The following REST variants were observed in gnomAD, a reference collection of about 807,000 sequenced individuals.
REST encodes the protein RE1-silencing transcription factor.
In REST, 1 loss-of-function variant was observed where a neutral mutation model predicts 30.4. The ratio of observed to expected loss-of-function variants is 0.03; its 90% CI spans 0.01 to 0.16. The LOEUF (loss-of-function observed/expected upper bound fraction) is 0.16. Ranked by LOEUF, REST falls within the 10% of genes least tolerant of loss-of-function variation. The probability of loss-of-function intolerance (pLI) is 1.00; values close to 1 mark genes in which losing one functional copy is unlikely to be tolerated. For synonymous variants in REST, 504 were observed against 451.1 expected (o/e 1.12, Z -1.49); for missense variants, 1,259 against 1,329.5 (o/e 0.95, Z 0.82).
In REST at chr4:56,935,262, G is replaced by A. The variant is rs1721108465; in HGVS notation, c.*3110G>A. ...GTCACTTCTGGATTGATAAGCTGAG[G>A]AAGAAAGTTAAGTTTCTTTTTTACA... On this transcript the variant is annotated 3_prime_UTR_variant, in exon 4 of 4. Transcript: ENST00000309042. The A allele has an allele frequency of 6.6e-6, 1 of 152,134 alleles. No homozygotes were observed. The highest frequency in any genetic ancestry group is 2.1e-4 in the South Asian group (1 of 4,826). The allele number at this position is 152,134 out of a possible 1,614,324, so 9.4% of individuals were successfully genotyped here.
chr4:56,910,931 A>G lies in REST; in HGVS notation c.293A>G (p.Asp98Gly), dbSNP rs1323149927. 1.2e-6 allele frequency: 2 copies of G among 1,614,204 alleles called. No individual in the cohort carries two copies. The highest frequency in any genetic ancestry group is 1.7e-6 in the Non-Finnish European group (2 of 1,180,042). Residue 98 changes from aspartate to glycine, a missense_variant, in exon 2 of 4, where the codon GAT becomes GGT. Transcript: ENST00000309042. ...GGAGAAGGACTTGAAGAGTCTGCTG[A>G]TATAAAAGGTGAACCTCATGGACTG... is the stretch of plus-strand genomic sequence containing the variant. ...EEGEGLEESA[D>G]IKGEPHGLEN...
Position 56,931,075 on chromosome 4 carries a change from G to C in REST, c.2217G>C (p.Val739=). Residue 739 remains valine (V), a synonymous_variant, in exon 4 of 4, where the codon GTG becomes GTC. Coordinates refer to ENST00000309042, the MANE Select transcript of REST (RefSeq NM_005612.5). ...VQMELSPPME[V]VQKEPVQIEL... is the part of the protein sequence containing the mutation. ...TGGAGCTGTCTCCTCCCATGGAGGT[G>C]GTCCAGAAGGAGCCTGTTCAGATAG... 7.2e-7 allele frequency: 1 copy of C among 1,385,040 alleles called. No homozygotes were observed. 85.8% of individuals were successfully genotyped at this position (1,385,040 alleles called of 1,614,324 possible).
intron 3 of REST, chr4:56,927,677 G>T: frequency 8.2e-7 from 1 of 1,214,930 alleles, no homozygotes; most frequent in Non-Finnish European, 1.1e-6. Context: ...ATGTATTCAG[G>T]TAGAATGTAT....
At position 56,931,839 on chromosome 4, in the gene REST, C is replaced by T; in HGVS notation, c.2981C>T (p.Pro994Leu). ...AVSKTALASPPATMAANESQE... is the reference protein window; with the variant it reads ...AVSKTALASPLATMAANESQE... Reference sequence around the variant, plus strand: ...TCCAAAACTGCACTGGCATCACCTCCTGCTACAATGGCAGCAAATGAGTCT... The same window carrying T: ...TCCAAAACTGCACTGGCATCACCTCTTGCTACAATGGCAGCAAATGAGTCT... The change falls in exon 4 of 4, where the codon CCT becomes CTT. Residue 994 changes from proline (P) to leucine (L), a missense_variant. By Grantham distance (98) the Pro-to-Leu change is moderately conservative. Transcript: ENST00000309042. 12 of 1,614,222 alleles carry T rather than the reference C, an allele frequency of 7.4e-6. No individual in the cohort carries two copies. The highest frequency in any genetic ancestry group is 1.7e-5 in the Admixed American group (1 of 60,026).
chr4:56,910,543 G>A, intron 1 of REST, 87 bp from the exon 2 acceptor site: 1 of 1,173,588 alleles, frequency 8.5e-7, no homozygotes, highest in Non-Finnish European at 1.2e-6. Flanking sequence ...AAATTTTTAA[G>A]TTATGAAGAA....
intron 3 of REST, 167 bp downstream of exon 3, chr4:56,920,037 A>G (rs1195108137): frequency 2.5e-6 from 1 of 404,380 alleles, no homozygotes; most frequent in African/African-American, 2.0e-5. Context: ...CCTAACATGG[A>G]ATCCAAAGGT....
chr4:56,915,174 C>T (rs1455754936), intron 2 of REST, among the ~76,000 whole-genome samples: 2 of 149,502 alleles, frequency 1.3e-5, no homozygotes, highest in African/African-American at 2.5e-5. Flanking sequence ...CCACCCGCCG[C>T]GGCCTCCCAA....
At chr4:56,927,616 G>A (rs1316761588) in intron 3 of REST, 1 of 1,170,530 alleles carries the variant, frequency 8.5e-7, no homozygotes, top group Non-Finnish European at 1.1e-6. Context: ...TTGGACCAGT[G>A]GGGTATGGAT....
chr4:56,908,150 G>C lies in REST; in HGVS notation c.-73G>C, dbSNP rs1719704818. 9.2e-6 allele frequency: 2 copies of C among 218,404 alleles called. No homozygotes were observed. Among genetic ancestry groups the C allele is most frequent in the African/African-American group, 2.3e-5 (1 of 42,784 alleles). The allele number at this position is 218,404 out of a possible 1,614,324, so 13.5% of individuals were successfully genotyped here. ...TCTCCCCCGAAACTCCAGCAACAAA[G>C]AAAAGTAGTCGGAGAAGGAGCGGCG... On this transcript the variant is annotated 5_prime_UTR_variant, in exon 1 of 4. Coordinates refer to ENST00000309042, the MANE Select transcript of REST (RefSeq NM_005612.5).
In REST at chr4:56,931,065, C is replaced by T; in HGVS notation, c.2207C>T (p.Pro736Leu). ...CCTGTTCAGATGGAGCTGTCTCCTC[C>T]CATGGAGGTGGTCCAGAAGGAGCCT... ...KEPVQMELSP[P>L]MEVVQKEPVQ... The change falls in exon 4 of 4, where the codon CCC becomes CTC. Residue 736 changes from proline (P) to leucine (L), a missense_variant. Physicochemically the swap from Pro to Leu is moderately conservative, Grantham distance 98 (BLOSUM62 -3). Transcript: ENST00000309042. The T allele has an allele frequency of 7.2e-7, 1 of 1,384,998 alleles. No individual in the cohort carries two copies. Among genetic ancestry groups the T allele is most frequent in the South Asian group, 1.1e-5 (1 of 87,408 alleles). The allele number at this position is 1,384,998 out of a possible 1,614,324, so 85.8% of individuals were successfully genotyped here.
intron 2 of REST, among the ~76,000 whole-genome samples, chr4:56,912,379 C>T (rs1345462717): frequency 4.5e-5 from 6 of 131,968 alleles, no homozygotes; most frequent in South Asian, 2.4e-4. Context: ...CTGGCTTTGT[C>T]GCCCAGGCTG....
chr4:56,933,791 C>T lies in REST; in HGVS notation c.*1639C>T, dbSNP rs1186519440. 6.6e-6 allele frequency: 1 copy of T among 152,116 alleles called. No homozygotes were observed. The highest frequency in any genetic ancestry group is 2.4e-5 in the African/African-American group (1 of 41,436). The allele number at this position is 152,116 out of a possible 1,614,324, so 9.4% of individuals were successfully genotyped here. A position where few individuals can be genotyped will look rare whatever the true frequency, so the allele number is the denominator to read the frequency against. On this transcript the variant is annotated 3_prime_UTR_variant, in exon 4 of 4. Coordinates refer to ENST00000309042, the MANE Select transcript of REST (RefSeq NM_005612.5). ...TCATTGCAGTAAAATAAAATATGATCCCATTAGGGAATCTTGAATTCTGAC... is the reference window on the plus strand; with the variant it reads ...TCATTGCAGTAAAATAAAATATGATTCCATTAGGGAATCTTGAATTCTGAC...
chr4:56,923,589 C>G (rs1026416113), intron 3 of REST, among the ~76,000 whole-genome samples: 1 of 152,036 alleles, frequency 6.6e-6, no homozygotes. Context: ...AAATTACAGG[C>G]ACCCGCCACC....
rs200509833 is a variant in REST, at chr4:56,931,751, A to G, written c.2893A>G (p.Thr965Ala). 1.9e-6 allele frequency: 3 copies of G among 1,614,240 alleles called. No homozygotes were observed. In the East Asian group the frequency reaches 6.7e-5, roughly 36 times the overall value. The change falls in exon 4 of 4, where the codon ACA becomes GCA. Residue 965 changes from threonine (T) to alanine (A), a missense_variant. Physicochemically the swap from Thr to Ala is moderately conservative, Grantham distance 58. Around this residue, in one of 5 missense-constraint regions of REST, gnomAD observed 856 missense variants for 772.8 expected, o/e 1.11. Coordinates refer to ENST00000309042, the MANE Select transcript of REST (RefSeq NM_005612.5). ...AGAGAATCTCACTGGTATAAATTCAACAGTTGAAGAACCAGTTTCACCAAT... is the reference window on the plus strand; with the variant it reads ...AGAGAATCTCACTGGTATAAATTCAGCAGTTGAAGAACCAGTTTCACCAAT... ...TRENLTGINS[T>A]VEEPVSPMLP...
intron 3 of REST, chr4:56,922,217 TAAGCATCATGTCCTG>T (rs1476034346): frequency 6.6e-6 from 1 of 151,720 alleles, no homozygotes; most frequent in East Asian, 1.9e-4. Context: ...ACTTTGGAGG[TAAGCATCATGTCCTG>T]TTGATAGTTG....
chr4:56,908,540 G>A (rs1436368561), intron 1 of REST, among the ~76,000 whole-genome samples: 1 of 151,994 alleles, frequency 6.6e-6, no homozygotes, highest in African/African-American at 2.4e-5. Flanking sequence ...AGGCCAAGGA[G>A]CGGAGCTGCT....
At chr4:56,926,799 T>G (rs954533638) in intron 3 of REST, among the ~76,000 whole-genome samples, 1 of 151,880 alleles carries the variant, frequency 6.6e-6, no homozygotes, top group Non-Finnish European at 1.5e-5. Context: ...AGAGAGTATT[T>G]TATAGATGAA....
chr4:56,912,946 G>A (rs1185446112), intron 2 of REST, among the ~76,000 whole-genome samples: 1 of 148,944 alleles, frequency 6.7e-6, no homozygotes, highest in Admixed American at 6.8e-5. Context: ...GCACCCAGCC[G>A]AAACTTTTTT....
At position 56,930,310 on chromosome 4, in the gene REST, A is replaced by G. The variant is rs374960788; in HGVS notation, c.1452A>G (p.Ser484=). ...AGAAAAAGCCTTCTAATAATGTGTC[A>G]GTGATCCAGGTGACTACCAGAACTC... The part of the protein sequence containing the change: ...SKEKKPSNNV[S]VIQVTTRTRK... Residue 484 remains serine (S), a synonymous_variant, in exon 4 of 4, where the codon TCA becomes TCG. Coordinates refer to ENST00000309042, the MANE Select transcript of REST (RefSeq NM_005612.5). The G allele has an allele frequency of 3.1e-5, 50 of 1,613,984 alleles. No homozygotes were observed. In the African/African-American group the frequency reaches 6.5e-4, roughly 21 times the overall value.
Sources: allele counts gnomAD v4.1 joint callset (sites outside exome capture counted in the v4.1 genomes callset), GRCh38; gene constraint gnomAD v4.1.1; regional missense constraint gnomAD v4.1.1; transcripts MANE v1.5; gene names NCBI Gene and HGNC (gene_info 2026-07-23, HGNC 2026-07-21).